Variants in CDH12 observed in about 807,000 individuals in gnomAD.
CDH12 encodes the protein cadherin-12.
Under a neutral mutation model 74.1 loss-of-function variants are expected in CDH12, and 41 were observed. The observed-to-expected ratio is 0.55, with a 90% confidence interval of 0.43 to 0.72. CDH12 has a LOEUF of 0.72. CDH12 is among the 30% of genes least tolerant of loss of function. The pLI is 0.00. For missense variants in CDH12, 945 were observed against 977.2 expected (o/e 0.97, Z 0.44); for synonymous variants, 399 against 355.0 (o/e 1.12, Z -1.39).
chr5:22,247,187 A>G (rs1302270458), intron 3 of CDH12, among the ~76,000 whole-genome samples: 1 of 152,220 alleles, frequency 6.6e-6, no homozygotes, highest in African/African-American at 2.4e-5. Context: ...ATTTAAAAAC[A>G]TTTACTGGCT....
At chr5:22,042,298 A>G (rs1404620514) in intron 5 of CDH12, among the ~76,000 whole-genome samples, 1 of 152,166 alleles carries the variant, frequency 6.6e-6, no homozygotes, top group Non-Finnish European at 1.5e-5. Context: ...AAGAAACTGA[A>G]TAATAAAGAT....
chr5:21,802,104 G>T, intron 10 of CDH12, 63 bp downstream of exon 10: 1 of 1,478,644 alleles, frequency 6.8e-7, no homozygotes. Context: ...TGGTTCTCTG[G>T]TTTTTGTTCT....
chr5:21,920,229 AC>A (rs1174064363), intron 6 of CDH12, among the ~76,000 whole-genome samples: 1 of 152,190 alleles, frequency 6.6e-6, no homozygotes, highest in East Asian at 1.9e-4. Flanking sequence ...GCAGACAGAT[AC>A]CCCAACCTTG....
intron 6 of CDH12, among the ~76,000 whole-genome samples, chr5:21,955,148 G>A (rs190671769): frequency 0.033 from 4,993 of 151,886 alleles, 245 homozygotes; most frequent in African/African-American, 0.11. Flanking sequence ...TCCACATTAA[G>A]CTCAGTTATG....
At chr5:22,265,014 T>C (rs1483814174) in intron 3 of CDH12, among the ~76,000 whole-genome samples, 3 of 152,156 alleles carry the variant, frequency 2.0e-5, no homozygotes, top group Admixed American at 2.0e-4. Context: ...CACAATAACT[T>C]TTCTCTAAAT....
chr5:22,734,279 T>C (rs1158085082), intron 1 of CDH12, among the ~76,000 whole-genome samples: 1 of 151,880 alleles, frequency 6.6e-6, no homozygotes, highest in African/African-American at 2.4e-5. Flanking sequence ...TGTTCAGAAT[T>C]TGGCTATAGC....
At chr5:22,294,256 G>A (rs991242913) in intron 3 of CDH12, among the ~76,000 whole-genome samples, 2 of 152,138 alleles carry the variant, frequency 1.3e-5, no homozygotes, top group African/African-American at 2.4e-5. Context: ...TTCCCTGTGA[G>A]CAAGGATATG....
chr5:22,566,139 A>G (rs1031451685), intron 1 of CDH12, among the ~76,000 whole-genome samples: 3 of 152,200 alleles, frequency 2.0e-5, no homozygotes, highest in African/African-American at 7.2e-5. Flanking sequence ...ACAAAAGAAT[A>G]TATCGTAAGG....
chr5:21,923,172 C>A (rs1754436207), intron 6 of CDH12, among the ~76,000 whole-genome samples: 1 of 151,920 alleles, frequency 6.6e-6, no homozygotes, highest in African/African-American at 2.4e-5. Flanking sequence ...AATAATACAG[C>A]TAAGTTACGT....
At chr5:22,458,635 T>A (rs948332850) in intron 2 of CDH12, among the ~76,000 whole-genome samples, 1 of 152,150 alleles carries the variant, frequency 6.6e-6, no homozygotes, top group Non-Finnish European at 1.5e-5. Flanking sequence ...TTGAAAAGAG[T>A]AACATCACAA....
chr5:22,240,901 A>G (rs775630407), intron 3 of CDH12, among the ~76,000 whole-genome samples: 23 of 152,158 alleles, frequency 1.5e-4, no homozygotes, highest in South Asian at 4.1e-4. Flanking sequence ...TATAATTAAC[A>G]TAGAAGAAAA....
intron 6 of CDH12, among the ~76,000 whole-genome samples, chr5:21,861,608 T>A (rs1240156213): frequency 1.3e-5 from 2 of 152,070 alleles, no homozygotes; most frequent in East Asian, 3.9e-4. Flanking sequence ...ATCTCACAAT[T>A]TTTAACCAAT....
intron 1 of CDH12, among the ~76,000 whole-genome samples, chr5:22,699,433 G>C (rs1363387844): frequency 6.6e-6 from 1 of 151,178 alleles, no homozygotes; most frequent in Admixed American, 6.6e-5. Context: ...CGAAATATCA[G>C]AAAGGCTTTG....
Position 21,912,854 on chromosome 5 carries a change from T to G in CDH12, c.527-58064A>C, listed in dbSNP as rs185095636. ...AAAGGGTGCTGGTTTCTTTTTTGTC[T>G]GTTTTTGAGACAGAGTCTCACTCTG... On this transcript the variant is annotated intron_variant, in intron 6 of 14. Coordinates refer to ENST00000382254, the MANE Select transcript of CDH12 (RefSeq NM_004061.5). 2.8e-3 allele frequency among the ~76,000 whole-genome samples: 427 copies of G among 152,244 alleles called. 5 individuals are homozygous for G. Among genetic ancestry groups the G allele is most frequent in the Non-Finnish European group, 1.7e-3 (118 of 68,012 alleles).
In CDH12 at chr5:22,790,012, T is replaced by C. The variant is rs139633316; in HGVS notation, c.-523+63046A>G. Among the ~76,000 whole-genome samples the C allele has an allele frequency of 2.8e-3, 425 of 152,152 alleles. 1 individual carries two copies. The highest frequency in any genetic ancestry group is 9.8e-3 in the African/African-American group (408 of 41,562). ...CATAAAAGAAATATTTTTAGAAGAA[T>C]AGGAGTTTCTAAACTTTTAGTAAAC... On this transcript the variant is annotated intron_variant, in intron 1 of 14. Transcript: ENST00000382254.
At chr5:22,793,630 T>A (rs1748034610) in intron 1 of CDH12, among the ~76,000 whole-genome samples, 1 of 152,220 alleles carries the variant, frequency 6.6e-6, no homozygotes, top group African/African-American at 2.4e-5. Context: ...TTATTTGACC[T>A]ATTTGTCTAA....
intron 2 of CDH12, among the ~76,000 whole-genome samples, chr5:22,483,541 G>A (rs1313730774): frequency 6.6e-6 from 1 of 150,798 alleles, no homozygotes; most frequent in African/African-American, 2.4e-5. Flanking sequence ...ACCATGTAGT[G>A]ATGGAAGACC....
chr5:22,708,747 T>A (rs1176421891), intron 1 of CDH12, among the ~76,000 whole-genome samples: 1 of 152,134 alleles, frequency 6.6e-6, no homozygotes, highest in East Asian at 1.9e-4. Flanking sequence ...CCACAGATAT[T>A]GAGGGTGAAA....
chr5:21,990,559 T>C (rs1276744145), intron 5 of CDH12, among the ~76,000 whole-genome samples: 1 of 152,010 alleles, frequency 6.6e-6, no homozygotes, highest in African/African-American at 2.4e-5. Context: ...CATATCCAAA[T>C]AAGCCCAGTA....
Sources: gnomAD v4.1 joint callset for allele counts (sites outside exome capture counted in the v4.1 genomes callset) on GRCh38, gnomAD v4.1.1 for gene constraint, MANE v1.5 for transcripts, NCBI Gene and HGNC (gene_info 2026-07-23, HGNC 2026-07-21) for gene names.